The following PTPN4 variants were observed in gnomAD, a reference collection of about 807,000 sequenced individuals.
PTPN4 encodes the protein tyrosine-protein phosphatase non-receptor type 4.
Under a neutral mutation model 135.5 loss-of-function variants are expected in PTPN4, and 49 were observed. The ratio of observed to expected loss-of-function variants is 0.36; its 90% CI spans 0.29 to 0.46. PTPN4 has a LOEUF of 0.46. Ranked by LOEUF, PTPN4 falls within the 20% of genes least tolerant of loss-of-function variation. PTPN4 has a pLI of 1.00. For synonymous variants in PTPN4, 333 were observed against 369.9 expected (o/e 0.90, Z 1.14); for missense variants, 860 against 1,101.0 (o/e 0.78, Z 3.10).
At chr2:119,802,145 C>T (rs747993563) in intron 1 of PTPN4, among the ~76,000 whole-genome samples, 8 of 152,062 alleles carry the variant, frequency 5.3e-5, no homozygotes, top group Non-Finnish European at 1.0e-4. Context: ...CCTTGTAATC[C>T]GCCTGCCTTA....
At chr2:119,838,715 T>G (rs1054302223) in intron 2 of PTPN4, among the ~76,000 whole-genome samples, 14 of 152,220 alleles carry the variant, frequency 9.2e-5, no homozygotes, top group African/African-American at 3.4e-4. Context: ...TTCAAGTACC[T>G]TGTTCTCTAG....
At chr2:119,938,339 G>A (rs1679015293) in intron 15 of PTPN4, among the ~76,000 whole-genome samples, 2 of 151,854 alleles carry the variant, frequency 1.3e-5, no homozygotes, top group African/African-American at 2.4e-5. Flanking sequence ...GTGTTAGCCA[G>A]GATAGTCTCG....
chr2:119,783,487 A>G (rs1690984805), intron 1 of PTPN4, among the ~76,000 whole-genome samples: 1 of 152,220 alleles, frequency 6.6e-6, no homozygotes, highest in South Asian at 2.1e-4. Context: ...AAGATTAGCA[A>G]ACCTTACAAA....
intron 3 of PTPN4, among the ~76,000 whole-genome samples, chr2:119,868,746 C>T (rs546584518): frequency 6.6e-6 from 1 of 152,268 alleles, no homozygotes; most frequent in African/African-American, 2.4e-5. Context: ...CTTCGTTTCC[C>T]ATAAGGGATA....
chr2:119,852,846 T>G (rs960125353), intron 2 of PTPN4, among the ~76,000 whole-genome samples: 4 of 152,196 alleles, frequency 2.6e-5, no homozygotes, highest in South Asian at 2.1e-4. Context: ...TCAGTGGTTT[T>G]TTTTGTTTTG....
intron 8 of PTPN4, among the ~76,000 whole-genome samples, chr2:119,884,154 T>C (rs1050717622): frequency 3.9e-5 from 6 of 152,266 alleles, no homozygotes; most frequent in African/African-American, 1.4e-4. Flanking sequence ...TGCCTTGGCC[T>C]CCCAAAGTGC....
At chr2:119,781,289 T>C (rs1364167935) in intron 1 of PTPN4, among the ~76,000 whole-genome samples, 6 of 152,212 alleles carry the variant, frequency 3.9e-5, no homozygotes, top group Admixed American at 3.3e-4. Flanking sequence ...TTCAGTGTTA[T>C]TGGAGTATTT....
intron 1 of PTPN4, among the ~76,000 whole-genome samples, chr2:119,790,903 A>G (rs1196741674): frequency 6.6e-6 from 1 of 152,106 alleles, no homozygotes; most frequent in Non-Finnish European, 1.5e-5. Flanking sequence ...CATGGGGGGA[A>G]CTGCAACTTA....
rs754660865 is a variant in PTPN4 at position 119,982,929 on chromosome 2, T to G, written c.*5859T>G. 6.6e-6 allele frequency: 1 copy of G among 152,220 alleles called. No individual in the cohort carries two copies. The highest frequency in any genetic ancestry group is 1.5e-5 in the Non-Finnish European group (1 of 68,034). 9.4% of individuals were successfully genotyped at this position (152,220 alleles called of 1,614,324 possible). On this transcript the variant is annotated 3_prime_UTR_variant, in exon 27 of 27. Coordinates refer to ENST00000263708, the MANE Select transcript of PTPN4 (RefSeq NM_002830.4). Reference sequence around the variant, plus strand: ...TATATTAATTCAGCTGAACAAGAACTACATCTTAAACCACCTTTGTAGGTA... The same window carrying G: ...TATATTAATTCAGCTGAACAAGAACGACATCTTAAACCACCTTTGTAGGTA...
chr2:119,852,297 G>A (rs1009257467), intron 2 of PTPN4, among the ~76,000 whole-genome samples: 2 of 152,196 alleles, frequency 1.3e-5, no homozygotes, highest in African/African-American at 4.8e-5. Flanking sequence ...AGGTTGTGCG[G>A]TCTGACCCCA....
At chr2:119,970,176 C>T (rs1455057879) in intron 26 of PTPN4, among the ~76,000 whole-genome samples, 1 of 152,146 alleles carries the variant, frequency 6.6e-6, no homozygotes, top group African/African-American at 2.4e-5. Context: ...TCTCCTGCCT[C>T]AGCCTCCCGA....
chr2:119,816,691 C>T (rs1212907500), intron 2 of PTPN4, among the ~76,000 whole-genome samples: 1 of 152,154 alleles, frequency 6.6e-6, no homozygotes, highest in East Asian at 1.9e-4. Flanking sequence ...CAGTGACACC[C>T]AAAGTGTGTT....
Position 119,931,415 on chromosome 2 carries a change from ATCTTTCTT to A in PTPN4, c.1071-995_1071-988del, listed in dbSNP as rs777440288. Among the ~76,000 whole-genome samples the A allele has an allele frequency of 5.3e-3, 717 of 136,292 alleles. 6 individuals carry two copies. The highest frequency in any genetic ancestry group is 0.018 in the African/African-American group (679 of 36,808). The allele number at this position is 136,292 out of a possible 152,430, so 89.4% of individuals were successfully genotyped here. ...TTGATCTGAATGAATCAATATGAAG[ATCTTTCTT>A]TCTTTCTTTCTTTTTTTTTTTTTTT... On this transcript the variant is annotated intron_variant, in intron 13 of 26. Coordinates refer to ENST00000263708, the MANE Select transcript of PTPN4 (RefSeq NM_002830.4).
At chr2:119,931,291 A>C (rs1310603308) in intron 13 of PTPN4, among the ~76,000 whole-genome samples, 1 of 152,006 alleles carries the variant, frequency 6.6e-6, no homozygotes, top group Non-Finnish European at 1.5e-5. Flanking sequence ...ATTTTCAGCT[A>C]ATTTTGTCTA....
intron 5 of PTPN4, among the ~76,000 whole-genome samples, chr2:119,880,571 A>T (rs931747584): frequency 6.6e-6 from 1 of 151,272 alleles, no homozygotes; most frequent in Non-Finnish European, 1.5e-5. Flanking sequence ...CTGGGACTAC[A>T]GGTGCCTGCC....
intron 15 of PTPN4, 72 bp downstream of exon 15, chr2:119,935,030 G>A (rs1678961659): frequency 1.4e-6 from 2 of 1,447,664 alleles, no homozygotes; most frequent in Non-Finnish European, 1.9e-6. Context: ...AATAATCTGG[G>A]AAATTAGGAT....
intron 14 of PTPN4, among the ~76,000 whole-genome samples, chr2:119,932,872 A>G (rs1574410636): frequency 6.6e-6 from 1 of 152,114 alleles, no homozygotes; most frequent in African/African-American, 2.4e-5. Flanking sequence ...TGTTGTTGAC[A>G]TACTCATTTT....
At chr2:119,924,097 A>G (rs939867561) in intron 12 of PTPN4, among the ~76,000 whole-genome samples, 5 of 146,680 alleles carry the variant, frequency 3.4e-5, no homozygotes, top group East Asian at 2.0e-4. Flanking sequence ...AGATGGAGCC[A>G]CTGCACTCCA....
chr2:119,941,703 A>T (rs1174002950), intron 15 of PTPN4, among the ~76,000 whole-genome samples: 1 of 152,202 alleles, frequency 6.6e-6, no homozygotes, highest in African/African-American at 2.4e-5. Flanking sequence ...TTTCGTCTTC[A>T]TCTTAATCTA....
Sources: allele counts gnomAD v4.1 joint callset (sites outside exome capture counted in the v4.1 genomes callset), GRCh38; gene constraint gnomAD v4.1.1; transcripts MANE v1.5; gene names NCBI Gene and HGNC (gene_info 2026-07-23, HGNC 2026-07-21).